ATRX: variants seen among roughly 807,000 people sequenced by gnomAD.
The protein encoded by ATRX is ATRX chromatin remodeler.
ATRX carries 12 observed loss-of-function variants against 172.6 expected under a neutral mutation model. The ratio of observed to expected loss-of-function variants is 0.07; its 90% confidence interval spans 0.04 to 0.11. ATRX has a LOEUF of 0.11. Among genes scored for constraint, ATRX ranks in the 10% least tolerant of loss-of-function variants. The pLI, the probability that ATRX is intolerant of heterozygous loss-of-function variation, is 1.00. For missense variants in ATRX, 1,368 were observed against 1,767.4 expected (o/e 0.77, Z 4.05); for synonymous variants, 674 against 594.7 (o/e 1.13, Z -1.94).
Position 77,508,397 on chromosome X carries a change from G to A in ATRX, c.7433C>T (p.Pro2478Leu), listed in dbSNP as rs1434528415. The A allele has an allele frequency of 8.3e-7, 1 of 1,209,312 alleles. No homozygotes were observed. The highest frequency in any genetic ancestry group is 3.0e-5 in the East Asian group (1 of 33,775). ...QPPPLQRAPPPMRSKNPGPSQ... is the reference protein window; with the variant it reads ...QPPPLQRAPPLMRSKNPGPSQ... ...AGGTCCTGGATTTTTGCTTCTCATT[G>A]GGGGTGGTGCACGCTGTAATGGTGG... Residue 2478 changes from proline (P) to leucine (L), a missense_variant, in exon 35 of 35, where the codon CCA becomes CTA. Pro to Leu is a moderately conservative substitution (Grantham distance 98). Transcript: ENST00000373344.
intron 1 of ATRX, among the ~76,000 whole-genome samples, chrX:77,744,850 G>A (rs2075001817): frequency 9.1e-6 from 1 of 110,209 alleles, no homozygotes; most frequent in South Asian, 3.9e-4. Context: ...AGCTGGGTTA[G>A]CCAGGCATGG....
At chrX:77,548,109 G>C (rs187721295) in intron 30 of ATRX, among the ~76,000 whole-genome samples, 1 of 111,719 alleles carries the variant, frequency 9.0e-6, no homozygotes, top group Admixed American at 9.6e-5. Context: ...ATGAGGCTTA[G>C]AAAGCTTACA....
chrX:77,555,496 C>T (rs930663295), intron 30 of ATRX, among the ~76,000 whole-genome samples: 108 of 109,779 alleles, frequency 9.8e-4, no homozygotes, highest in Non-Finnish European at 1.0e-3. Context: ...GAAAATGTGG[C>T]ACATACACAC....
intron 2 of ATRX, among the ~76,000 whole-genome samples, chrX:77,714,794 C>A (rs1317148438): frequency 8.9e-6 from 1 of 111,852 alleles, no homozygotes; most frequent in Admixed American, 9.5e-5. Context: ...TTTTAAAAAA[C>A]CAAAGAAACA....
At chrX:77,748,909 G>A (rs1215993934) in intron 1 of ATRX, among the ~76,000 whole-genome samples, 1 of 111,395 alleles carries the variant, frequency 9.0e-6, no homozygotes, top group Admixed American at 9.6e-5. Context: ...AGTGAGATAC[G>A]AAATGGTTTC....
At chrX:77,735,833 TA>T (rs201391937) in intron 1 of ATRX, among the ~76,000 whole-genome samples, 2,064 of 97,639 alleles carry the variant, frequency 0.021, 34 homozygotes, top group African/African-American at 0.073. Context: ...AATAAATAAA[TA>T]AAAATAAATA....
intron 34 of ATRX, among the ~76,000 whole-genome samples, chrX:77,520,583 C>T (rs1300713891): frequency 3.6e-5 from 4 of 111,759 alleles, no homozygotes; most frequent in Non-Finnish European, 7.5e-5. Flanking sequence ...CAAGGATTCC[C>T]ATTTAGGTAG....
intron 10 of ATRX, among the ~76,000 whole-genome samples, chrX:77,665,841 T>G (rs1452656671): frequency 3.6e-5 from 4 of 111,861 alleles, no homozygotes; most frequent in Non-Finnish European, 7.5e-5. Context: ...GATAAACATG[T>G]TCTCTGCAAT....
chrX:77,688,380 T>G (rs1283028328), intron 7 of ATRX, among the ~76,000 whole-genome samples: 2 of 112,338 alleles, frequency 1.8e-5, no homozygotes, highest in African/African-American at 6.5e-5. Flanking sequence ...TCCACATAGA[T>G]AGTTTACATT....
Position 77,683,212 on chromosome X carries a change from T to C in ATRX, c.2044A>G (p.Asn682Asp). 3 of 1,211,232 alleles carry C rather than the reference T, an allele frequency of 2.5e-6. No homozygotes were observed. Among genetic ancestry groups the C allele is most frequent in the Middle Eastern group, 2.3e-4 (1 of 4,354 alleles). The part of the protein sequence containing the change: ...PVTSNSDEEC[N>D]ETVKEKQKLS... ...TTTTGTTTCTCCTTAACTGTTTCAT[T>C]ACATTCTTCATCTGAATTAGATGTT... Residue 682 changes from asparagine (N) to aspartate (D), a missense_variant, in exon 9 of 35, where the codon AAT (asparagine) becomes GAT (aspartate). Physicochemically the swap from Asn to Asp is conservative, Grantham distance 23. This residue lies in a region of ATRX where 843 missense variants were observed against 643.1 expected (regional missense o/e 1.31). Coordinates refer to ENST00000373344, the MANE Select transcript of ATRX (RefSeq NM_000489.6).
At chrX:77,548,094 G>C (rs1425806051) in intron 30 of ATRX, among the ~76,000 whole-genome samples, 1 of 111,474 alleles carries the variant, frequency 9.0e-6, no homozygotes, top group Admixed American at 9.6e-5. Context: ...ATTTTCTTCA[G>C]AAAAATGAGG....
At chrX:77,558,347 G>A (rs2064877927) in intron 29 of ATRX, among the ~76,000 whole-genome samples, 2 of 109,581 alleles carry the variant, frequency 1.8e-5, no homozygotes, top group Admixed American at 9.8e-5. Context: ...AAATAAGCAA[G>A]GATCTACCAA....
chrX:77,528,134 G>A (rs1331225766), intron 30 of ATRX, among the ~76,000 whole-genome samples: 1 of 109,914 alleles, frequency 9.1e-6, no homozygotes, highest in Non-Finnish European at 1.9e-5. Context: ...ACCCAGACAA[G>A]GAGCACCCCC....
At chrX:77,528,264 C>T (rs1557044774) in intron 30 of ATRX, among the ~76,000 whole-genome samples, 1 of 112,142 alleles carries the variant, frequency 8.9e-6, no homozygotes, top group Admixed American at 9.4e-5. Context: ...GAGGGAGCTC[C>T]CCAGGGGAGG....
chrX:77,673,508 AGT>A (rs2070726762), intron 10 of ATRX, among the ~76,000 whole-genome samples: 1 of 111,390 alleles, frequency 9.0e-6, no homozygotes, highest in South Asian at 3.7e-4. Context: ...GAAACATACA[AGT>A]GTTGATCAAT....
intron 30 of ATRX, among the ~76,000 whole-genome samples, chrX:77,555,726 G>A (rs782216248): frequency 2.7e-5 from 3 of 110,354 alleles, no homozygotes; most frequent in Non-Finnish European, 5.7e-5. Context: ...GAAAGGGGAG[G>A]GAGAACATTA....
intron 1 of ATRX, among the ~76,000 whole-genome samples, chrX:77,719,408 T>C: frequency 9.1e-6 from 1 of 110,433 alleles, no homozygotes; most frequent in South Asian, 3.8e-4. Flanking sequence ...AGAAACCAAT[T>C]TATACTAAGT....
At chrX:77,622,792 C>T (rs2067652897) in intron 19 of ATRX, among the ~76,000 whole-genome samples, 1 of 110,316 alleles carries the variant, frequency 9.1e-6, no homozygotes, top group African/African-American at 3.3e-5. Flanking sequence ...GTAGGGGGTG[C>T]GGTACACCAT....
intron 30 of ATRX, among the ~76,000 whole-genome samples, chrX:77,547,088 A>G (rs1002302407): frequency 1.8e-5 from 2 of 110,267 alleles, no homozygotes; most frequent in African/African-American, 6.6e-5. Flanking sequence ...TAAAGTAAAA[A>G]AGCTTACCAT....
Sources: gnomAD v4.1 joint callset for allele counts (sites outside exome capture counted in the v4.1 genomes callset) on GRCh38, gnomAD v4.1.1 for gene constraint, gnomAD v4.1.1 regional missense constraint, MANE v1.5 for transcripts, NCBI Gene and HGNC (gene_info 2026-07-23, HGNC 2026-07-21) for gene names.